The following DNAH8 variants were observed in gnomAD, a reference collection of about 807,000 sequenced individuals.
DNAH8 encodes the protein axonemal beta dynein heavy chain 8.
A neutral mutation model predicts 562.1 loss-of-function variants in DNAH8; 382 were observed. That is an observed-to-expected ratio of 0.68 (90% CI 0.63 to 0.74). The LOEUF is 0.74. Among genes scored for constraint, DNAH8 ranks in the 30% least tolerant of loss-of-function variants. DNAH8 has a pLI of 0.00. For synonymous variants in DNAH8, 1,881 were observed against 1,919.4 expected (o/e 0.98, Z 0.52); for missense variants, 5,203 against 5,620.4 (o/e 0.93, Z 2.37).
chr6:38,963,266 T>C (rs1373576682), intron 82 of DNAH8, among the ~76,000 whole-genome samples: 18 of 106,104 alleles, frequency 1.7e-4, no homozygotes, highest in Admixed American at 5.7e-4. Context: ...TTTTTTTTTT[T>C]TTTTTTTTTT....
intron 39 of DNAH8, among the ~76,000 whole-genome samples, chr6:38,852,009 T>C (rs1775789762): frequency 6.6e-6 from 1 of 152,218 alleles, no homozygotes; most frequent in Admixed American, 6.5e-5. Context: ...AGATCATGCA[T>C]AGCAGAGTCT....
intron 33 of DNAH8, among the ~76,000 whole-genome samples, chr6:38,839,533 T>G (rs887703320): frequency 3.3e-5 from 5 of 152,004 alleles, no homozygotes; most frequent in African/African-American, 1.2e-4. Context: ...TTTAAAAAAT[T>G]TTTTATACAT....
At chr6:38,907,777 C>T (rs187627721) in intron 63 of DNAH8, among the ~76,000 whole-genome samples, 179 bp from the exon 64 acceptor site, 1 of 152,234 alleles carries the variant, frequency 6.6e-6, no homozygotes, top group Admixed American at 6.5e-5. Flanking sequence ...GATTGAGCTG[C>T]TCAATAAAAA....
chr6:38,903,619 T>C (rs1583312717), intron 62 of DNAH8, among the ~76,000 whole-genome samples: 1 of 148,036 alleles, frequency 6.8e-6, no homozygotes, highest in East Asian at 1.9e-4. Flanking sequence ...TTCCTTTTTT[T>C]TTTTTTTTTT....
In DNAH8 at chr6:38,917,994, G is replaced by A. The variant is rs200376058; in HGVS notation, c.10378G>A (p.Val3460Ile). The A allele has an allele frequency of 1.7e-4, 278 of 1,613,814 alleles. No individual in the cohort carries two copies. The highest frequency in any genetic ancestry group is 2.2e-4 in the Non-Finnish European group (262 of 1,179,828). The change falls in exon 70 of 93, where the codon GTT (valine) becomes ATT (isoleucine). Residue 3460 changes from valine (V) to isoleucine (I), a missense_variant. Physicochemically the swap from Val to Ile is conservative, Grantham distance 29. This residue lies in a region of DNAH8 where 1,399 missense variants were observed against 1,518.4 expected (regional missense o/e 0.92). Coordinates refer to ENST00000327475, the MANE Select transcript of DNAH8 (RefSeq NM_001206927.2). The stretch of plus-strand genomic sequence containing the variant: ...TAAGGACACTATAAATGAAGAGACT[G>A]TTGAGTTACTACAGCCATATTTTAA... ...FPKDTINEET[V>I]ELLQPYFNMD... is the part of the protein sequence containing the mutation.
chr6:39,000,813 A>C (rs1339607208), intron 88 of DNAH8, among the ~76,000 whole-genome samples: 1 of 152,316 alleles, frequency 6.6e-6, no homozygotes. Flanking sequence ...CTATGGAAAA[A>C]TGTCTTCCAC....
rs1280658675 is a variant in DNAH8, at chr6:38,872,419, G to A, written c.6991-117G>A. 3 of 1,123,216 alleles carry A rather than the reference G, an allele frequency of 2.7e-6. No individual in the cohort carries two copies. The African/African-American group carries it at 4.7e-5, about 18-fold the overall frequency. 69.6% of individuals were successfully genotyped at this position (1,123,216 alleles called of 1,614,324 possible). A position where few individuals can be genotyped will look rare whatever the true frequency, so the allele number is the denominator to read the frequency against. ...CAACATTTTTTACAACTTAAAAATA[G>A]TGAACTAGTTACGTTAATGAAGAGC... On this transcript the variant is annotated intron_variant, in intron 49 of 92. Coordinates refer to ENST00000327475, the MANE Select transcript of DNAH8 (RefSeq NM_001206927.2).
intron 35 of DNAH8, among the ~76,000 whole-genome samples, chr6:38,845,215 A>G (rs1775189294): frequency 1.3e-5 from 2 of 152,254 alleles, no homozygotes; most frequent in Admixed American, 1.3e-4. Context: ...ACTCTTATGT[A>G]TATTCTCATT....
chr6:38,891,713 G>T (rs575611734), intron 58 of DNAH8, among the ~76,000 whole-genome samples: 1 of 152,174 alleles, frequency 6.6e-6, no homozygotes, highest in Non-Finnish European at 1.5e-5. Flanking sequence ...ATAGTTTTCC[G>T]TGGTAAGATA....
At chr6:38,862,128 A>G (rs914423831) in intron 43 of DNAH8, 152 bp from the exon 44 acceptor site, 13 of 613,086 alleles carry the variant, frequency 2.1e-5, no homozygotes, top group Non-Finnish European at 3.6e-5. Flanking sequence ...ATGAATATCA[A>G]GTACCCTAAC....
intron 24 of DNAH8, among the ~76,000 whole-genome samples, chr6:38,808,760 A>G (rs563380722): frequency 5.2e-5 from 8 of 152,384 alleles, no homozygotes; most frequent in African/African-American, 1.9e-4. Context: ...CTATGCAGCC[A>G]TAAAGAAGAA....
chr6:38,884,228 G>A (rs1269115981), intron 56 of DNAH8, among the ~76,000 whole-genome samples: 3 of 151,956 alleles, frequency 2.0e-5, no homozygotes, highest in Non-Finnish European at 4.4e-5. Context: ...TAGGGTACAT[G>A]TGCACAACAT....
intron 71 of DNAH8, among the ~76,000 whole-genome samples, chr6:38,922,582 C>T (rs1486862565): frequency 6.6e-6 from 1 of 152,098 alleles, no homozygotes; most frequent in Non-Finnish European, 1.5e-5. Flanking sequence ...CTGTGTTTAG[C>T]ACCAGCTCAC....
intron 21 of DNAH8, among the ~76,000 whole-genome samples, chr6:38,796,219 A>C (rs914925877): frequency 1.2e-4 from 18 of 152,132 alleles, no homozygotes; most frequent in African/African-American, 4.3e-4. Context: ...GCCCTTCCAG[A>C]GCCAGCCCCG....
chr6:38,773,361 G>A (rs1054423283), intron 12 of DNAH8, among the ~76,000 whole-genome samples: 1 of 152,030 alleles, frequency 6.6e-6, no homozygotes, highest in Admixed American at 6.5e-5. Context: ...GATCTTTGGG[G>A]GTGGGTCTAA....
intron 24 of DNAH8, among the ~76,000 whole-genome samples, chr6:38,812,768 G>A (rs1352576240): frequency 1.3e-5 from 2 of 151,670 alleles, no homozygotes; most frequent in Non-Finnish European, 2.9e-5. Context: ...TAAGGTTAAA[G>A]GAGTGCTTTG....
intron 86 of DNAH8, 148 bp downstream of exon 86, chr6:38,982,610 C>T (rs1764110871): frequency 3.5e-6 from 2 of 570,738 alleles, no homozygotes; most frequent in Non-Finnish European, 3.2e-6. Context: ...CAGGCACTTG[C>T]TGGGGCAGCC....
rs1488122812 is a variant in DNAH8, at chr6:38,863,908, G to T, written c.6346G>T (p.Glu2116Ter). ...GTCGGGTTCCTGGGGCTGTTTTGAT[G>T]AGTTTAACAGAATTGAATTGCCTGT... Reference protein sequence around the residue: ...AQSGSWGCFDEFNRIELPVLS... With the variant: ...AQSGSWGCFD The change falls in exon 45 of 93, where the codon GAG becomes TAG. Residue 2116 changes from glutamate (E) to a stop codon, truncating the protein, a stop_gained. Transcript: ENST00000327475. LOFTEE classifies it high-confidence loss of function. The T allele has an allele frequency of 1.9e-5, 30 of 1,603,366 alleles. No homozygotes were observed. Among genetic ancestry groups the T allele is most frequent in the Non-Finnish European group, 2.5e-5 (30 of 1,177,810 alleles).
intron 24 of DNAH8, among the ~76,000 whole-genome samples, chr6:38,808,162 A>T (rs944119141): frequency 6.6e-6 from 1 of 152,162 alleles, no homozygotes; most frequent in African/African-American, 2.4e-5. Flanking sequence ...CTGTTTATCC[A>T]TTCTACTGGT....
Sources: gnomAD v4.1 joint callset for allele counts (sites outside exome capture counted in the v4.1 genomes callset) on GRCh38, gnomAD v4.1.1 for gene constraint, gnomAD v4.1.1 regional missense constraint, MANE v1.5 for transcripts, NCBI Gene and HGNC (gene_info 2026-07-23, HGNC 2026-07-21) for gene names.